The following DUSP18 variants were observed in gnomAD, a reference collection of about 807,000 sequenced individuals.
DUSP18 encodes dual specificity protein phosphatase 18.
DUSP18 carries 4 observed loss-of-function variants against 6.3 expected under a neutral mutation model. That is an observed-to-expected ratio of 0.63 (90% CI 0.31 to 1.45). The LOEUF is 1.45. Ranked by LOEUF, DUSP18 falls within the 40% of genes most tolerant of loss-of-function variation. The pLI is 0.07. For synonymous variants in DUSP18, 96 were observed against 95.1 expected (o/e 1.01, Z -0.05); for missense variants, 235 against 247.7 (o/e 0.95, Z 0.34).
chr22:30,655,444 A>G (rs1261301502), intron 2 of DUSP18, among the ~76,000 whole-genome samples: 6 of 151,180 alleles, frequency 4.0e-5, no homozygotes, highest in African/African-American at 7.3e-5. Context: ...AAAAAAAAAA[A>G]AAAAGAAAAA....
downstream of DUSP18, among the ~76,000 whole-genome samples, chr22:30,660,120 C>T (rs1035128381): frequency 2.0e-5 from 3 of 152,104 alleles, no homozygotes; most frequent in Admixed American, 6.5e-5. Flanking sequence ...TGGTTTTGGC[C>T]GTATGAAACG....
In DUSP18 at chr22:30,663,347, A is replaced by T; in HGVS notation, c.*90T>A. ...GCATCATCTGTTTTTTTCTGTATCA[A>T]CAAAAGTAGAATGTTCAAGTTTGGA... On this transcript the variant is annotated 3_prime_UTR_variant, in exon 2 of 2. Coordinates refer to ENST00000334679, the MANE Select transcript of DUSP18 (RefSeq NM_152511.5). The T allele has an allele frequency of 1.5e-6, 2 of 1,343,748 alleles. No homozygotes were observed. Among genetic ancestry groups the T allele is most frequent in the Non-Finnish European group, 2.0e-6 (2 of 981,262 alleles). 83.2% of individuals were successfully genotyped at this position (1,343,748 alleles called of 1,614,324 possible). A position where few individuals can be genotyped will look rare whatever the true frequency, so the allele number is the denominator to read the frequency against.
chr22:30,654,054 A>G (rs1205104756), intron 2 of DUSP18: 1 of 159,800 alleles, frequency 6.3e-6, no homozygotes, highest in African/African-American at 2.5e-5. Context: ...ATCTCGGCTC[A>G]CTGCAAGCTC....
chr22:30,663,154 G>A lies in DUSP18; in HGVS notation c.*283C>T. The A allele has an allele frequency of 2.8e-6, 1 of 357,158 alleles. No individual in the cohort carries two copies. The highest frequency in any genetic ancestry group is 4.3e-5 in the South Asian group (1 of 23,200). The allele number at this position is 357,158 out of a possible 1,614,324, so 22.1% of individuals were successfully genotyped here. On this transcript the variant is annotated 3_prime_UTR_variant, in exon 2 of 2. Coordinates refer to ENST00000334679, the MANE Select transcript of DUSP18 (RefSeq NM_152511.5). ...GGATTCCAGGCCTGCCATGTGCAATGGGTGCTGCCCTCTTTCTTCTGGGCA... is the reference window on the plus strand; with the variant it reads ...GGATTCCAGGCCTGCCATGTGCAATAGGTGCTGCCCTCTTTCTTCTGGGCA...
Position 30,664,042 on chromosome 22 carries a change from G to C in DUSP18, c.-39C>G, listed in dbSNP as rs1005887. On this transcript the variant is annotated 5_prime_UTR_variant, in exon 2 of 2. Transcript: ENST00000334679. ...CAGTGGTCAGCAGTCAGCGAAGCACGAAGGCTGCGTCTTTCTGCTAGGCTG... is the reference window on the plus strand; with the variant it reads ...CAGTGGTCAGCAGTCAGCGAAGCACCAAGGCTGCGTCTTTCTGCTAGGCTG... The C allele has an allele frequency of 0.32, 498,939 of 1,559,198 alleles. 88,722 individuals are homozygous for C. Among genetic ancestry groups the C allele is most frequent in the African/African-American group, 0.73 (54,081 of 74,080 alleles).
intron 2 of DUSP18, chr22:30,654,175 T>C (rs1807507): frequency 0.89 from 211,093 of 236,490 alleles, 94,374 homozygotes; most frequent in East Asian, 1. Flanking sequence ...TAGTAGAGAC[T>C]GGGTTTCACC....
intron 2 of DUSP18, chr22:30,654,705 GC>G (rs1158080725): frequency 1.9e-5 from 7 of 376,750 alleles, no homozygotes; most frequent in Non-Finnish European, 2.6e-5. Flanking sequence ...AAATACTGAT[GC>G]CCCCGCAGTG....
At chr22:30,657,323 G>A (rs1396414337), downstream of DUSP18, among the ~76,000 whole-genome samples, 1 of 151,614 alleles carries the variant, frequency 6.6e-6, no homozygotes, top group Non-Finnish European at 1.5e-5. Context: ...GCCGGGCGTG[G>A]GGGCGGGCAC....
chr22:30,659,011 C>T (rs947566502), downstream of DUSP18, among the ~76,000 whole-genome samples: 2 of 151,256 alleles, frequency 1.3e-5, no homozygotes, highest in South Asian at 2.1e-4. Context: ...GTAGTCCCAG[C>T]TATTCGGGAG....
downstream of DUSP18, among the ~76,000 whole-genome samples, chr22:30,659,144 A>G (rs13054555): frequency 0.46 from 64,817 of 141,686 alleles, 17,253 homozygotes; most frequent in South Asian, 0.64. Context: ...AAAAAAAAAA[A>G]AAGAAGAAAC....
chr22:30,652,970 G>T (rs916896300), intron 2 of DUSP18, among the ~76,000 whole-genome samples: 1 of 152,194 alleles, frequency 6.6e-6, no homozygotes, highest in African/African-American at 2.4e-5. Flanking sequence ...AATATCTATT[G>T]AATGAGTGAT....
downstream of DUSP18, among the ~76,000 whole-genome samples, chr22:30,659,449 C>T (rs980865613): frequency 2.0e-5 from 3 of 152,156 alleles, no homozygotes; most frequent in African/African-American, 7.2e-5. Flanking sequence ...TCTTGGCTCA[C>T]TGCAACCTCC....
rs2088471057 is a variant in DUSP18, at chr22:30,661,591, G to C, written c.*1846C>G. The C allele has an allele frequency of 1.1e-5, 1 of 90,394 alleles. No homozygotes were observed. Among genetic ancestry groups the C allele is most frequent in the Middle Eastern group, 4.5e-3 (1 of 220 alleles). The allele number at this position is 90,394 out of a possible 1,614,324, so 5.6% of individuals were successfully genotyped here. A position where few individuals can be genotyped will look rare whatever the true frequency, so the allele number is the denominator to read the frequency against. ...AGCCTCCCAAGTAACTGGGATTACA[G>C]GCACCCAGCTGTTAAAAGAAAAAGC... On this transcript the variant is annotated 3_prime_UTR_variant, in exon 2 of 2. Transcript: ENST00000334679.
chr22:30,666,643 A>AAAAAAAAAAAC (rs1258874924), intron 1 of DUSP18, among the ~76,000 whole-genome samples: 1 of 151,326 alleles, frequency 6.6e-6, no homozygotes, highest in Admixed American at 6.6e-5. Context: ...AAAAAAAAAA[A>AAAAAAAAAAAC]AAAGCAATCT....
Position 30,662,338 on chromosome 22 carries a change from C to G in DUSP18, c.*1099G>C, listed in dbSNP as rs1165224634. The G allele has an allele frequency of 6.6e-6, 1 of 152,176 alleles. No homozygotes were observed. The highest frequency in any genetic ancestry group is 1.5e-5 in the Non-Finnish European group (1 of 68,036). The allele number at this position is 152,176 out of a possible 1,614,324, so 9.4% of individuals were successfully genotyped here. A position where few individuals can be genotyped will look rare whatever the true frequency, so the allele number is the denominator to read the frequency against. On this transcript the variant is annotated 3_prime_UTR_variant, in exon 2 of 2. Transcript: ENST00000334679. ...TCCACATCACATGAAGAGGAGGTGA[C>G]AGGGCTGGGCCTTGGTCCGAAGCTC...
intron 2 of DUSP18, among the ~76,000 whole-genome samples, chr22:30,652,961 A>G (rs992435356): frequency 2.0e-5 from 3 of 152,194 alleles, no homozygotes; most frequent in Admixed American, 1.3e-4. Flanking sequence ...ATATCAGTGA[A>G]TATCTATTGA....
At chr22:30,666,621 C>CAAAAAAAAAAAAAA (rs55979351) in intron 1 of DUSP18, among the ~76,000 whole-genome samples, 5 of 62,496 alleles carry the variant, frequency 8.0e-5, no homozygotes, top group East Asian at 5.6e-4. Flanking sequence ...GACTCCATCT[C>CAAAAAAAAAAAAAA]AAAAAAAAAA....
rs1165224634 is a variant in DUSP18 at position 30,662,338 on chromosome 22, C to T, written c.*1099G>A. 1 of 152,176 alleles carries T rather than the reference C, an allele frequency of 6.6e-6. No homozygotes were observed. The highest frequency in any genetic ancestry group is 2.4e-5 in the African/African-American group (1 of 41,432). 9.4% of individuals were successfully genotyped at this position (152,176 alleles called of 1,614,324 possible). A position where few individuals can be genotyped will look rare whatever the true frequency, so the allele number is the denominator to read the frequency against. ...TCCACATCACATGAAGAGGAGGTGACAGGGCTGGGCCTTGGTCCGAAGCTC... is the reference window on the plus strand; with the variant it reads ...TCCACATCACATGAAGAGGAGGTGATAGGGCTGGGCCTTGGTCCGAAGCTC... On this transcript the variant is annotated 3_prime_UTR_variant, in exon 2 of 2. Coordinates refer to ENST00000334679, the MANE Select transcript of DUSP18 (RefSeq NM_152511.5).
intron 2 of DUSP18, among the ~76,000 whole-genome samples, chr22:30,655,656 C>T (rs1416772132): frequency 3.3e-5 from 5 of 152,094 alleles, no homozygotes; most frequent in African/African-American, 9.7e-5. Flanking sequence ...TCAGCATAAA[C>T]ATGATGATGG....
Sources: allele counts gnomAD v4.1 joint callset (sites outside exome capture counted in the v4.1 genomes callset), GRCh38; gene constraint gnomAD v4.1.1; transcripts MANE v1.5; gene names NCBI Gene and HGNC (gene_info 2026-07-23, HGNC 2026-07-21).